The following ANKRD17 variants were observed in gnomAD, a reference collection of about 807,000 sequenced individuals.
The protein encoded by ANKRD17 is ankyrin repeat domain 17.
ANKRD17 carries 19 observed loss-of-function variants against 229.7 expected under a neutral mutation model. The ratio of observed to expected loss-of-function variants is 0.08; its 90% CI spans 0.06 to 0.12. The LOEUF (loss-of-function observed/expected upper bound fraction) is 0.12, where lower values mean the gene tolerates loss of function less well. Among genes scored for constraint, ANKRD17 ranks in the 10% least tolerant of loss-of-function variants. The probability of loss-of-function intolerance (pLI) is 1.00; values close to 1 mark genes in which losing one functional copy is unlikely to be tolerated. For synonymous variants in ANKRD17, 1,112 were observed against 1,146.1 expected (o/e 0.97, Z 0.60); for missense variants, 2,176 against 3,176.8 (o/e 0.68, Z 7.57).
At position 73,131,055 on chromosome 4, in the gene ANKRD17, G is replaced by A. The variant is rs560161685; in HGVS notation, c.3234+4062C>T. Among the ~76,000 whole-genome samples, 191 of 152,216 alleles carry A rather than the reference G, an allele frequency of 1.3e-3. 1 individual carries two copies. Among genetic ancestry groups the A allele is most frequent in the South Asian group, 8.5e-3 (41 of 4,824 alleles). On this transcript the variant is annotated intron_variant, in intron 16 of 33. Coordinates refer to ENST00000358602, the MANE Select transcript of ANKRD17 (RefSeq NM_032217.5). Reference sequence around the variant, plus strand: ...GGTCAGAGCAATGCTATCAAAAGGTGTAATAAAAATAGTCCCAAATAATTC... The same window carrying A: ...GGTCAGAGCAATGCTATCAAAAGGTATAATAAAAATAGTCCCAAATAATTC...
At chr4:73,246,663 A>G (rs550369679) in intron 1 of ANKRD17, among the ~76,000 whole-genome samples, 1 of 152,306 alleles carries the variant, frequency 6.6e-6, no homozygotes, top group South Asian at 2.1e-4. Context: ...CAAAACAGAA[A>G]AGGGTCCAAT....
intron 6 of ANKRD17, 120 bp downstream of exon 6, chr4:73,153,760 C>A: frequency 7.6e-6 from 5 of 653,794 alleles, no homozygotes; most frequent in South Asian, 5.5e-5. Flanking sequence ...CTTATTTAAC[C>A]TTTAATTACA....
chr4:73,238,936 A>T (rs1451493221), intron 1 of ANKRD17, among the ~76,000 whole-genome samples: 1 of 152,064 alleles, frequency 6.6e-6, no homozygotes, highest in Non-Finnish European at 1.5e-5. Flanking sequence ...GATACTATGT[A>T]CCTCTTAGAA....
At chr4:73,126,203 G>A (rs150190232) in intron 16 of ANKRD17, among the ~76,000 whole-genome samples, 79 of 152,286 alleles carry the variant, frequency 5.2e-4, no homozygotes, top group Non-Finnish European at 9.1e-4. Flanking sequence ...CTCTGGAGAT[G>A]TGCAGAGGAT....
chr4:73,171,245 G>T (rs1036318312), intron 2 of ANKRD17, among the ~76,000 whole-genome samples: 1 of 151,260 alleles, frequency 6.6e-6, no homozygotes, highest in Non-Finnish European at 1.5e-5. Context: ...TTGTTTGGGA[G>T]AAAGAAAAGA....
At chr4:73,090,639 T>G in intron 29 of ANKRD17, 28 bp downstream of exon 29, 1 of 1,613,302 alleles carries the variant, frequency 6.2e-7, no homozygotes, top group African/African-American at 1.3e-5. Context: ...AATGAACAGC[T>G]GCAGAATCTC....
chr4:73,179,518 A>ATATATATATT (rs1192164276), intron 1 of ANKRD17, among the ~76,000 whole-genome samples: 7 of 40,784 alleles, frequency 1.7e-4, no homozygotes, highest in African/African-American at 3.7e-4. Flanking sequence ...ATATATATAT[A>ATATATATATT]TTTTTTTTTT....
At chr4:73,212,226 G>A (rs1011850344) in intron 1 of ANKRD17, among the ~76,000 whole-genome samples, 4 of 150,108 alleles carry the variant, frequency 2.7e-5, no homozygotes, top group Non-Finnish European at 5.9e-5. Flanking sequence ...ACAATGTTGA[G>A]TCACTGAAGA....
chr4:73,098,064 G>A lies in ANKRD17; in HGVS notation c.5021+9C>T, dbSNP rs759135353. The A allele has an allele frequency of 6.4e-7, 1 of 1,571,904 alleles. No homozygotes were observed. The highest frequency in any genetic ancestry group is 1.9e-5 in the Admixed American group (1 of 53,300). ...ACTATAAATATTGAAAATAAAAATT[G>A]GAACTAACTTTATTGAAGCCTTGCC... is the stretch of plus-strand genomic sequence containing the variant. On this transcript the variant is annotated intron_variant, in intron 26 of 33. Transcript: ENST00000358602.
At chr4:73,087,858 G>T (rs905533764) in intron 29 of ANKRD17, among the ~76,000 whole-genome samples, 1 of 151,714 alleles carries the variant, frequency 6.6e-6, no homozygotes, top group Non-Finnish European at 1.5e-5. Flanking sequence ...ATAGAGATAG[G>T]ATAGAAAGGG....
Position 73,090,962 on chromosome 4 carries a change from C to G in ANKRD17, c.6666G>C (p.Ser2222=), listed in dbSNP as rs769427885. 8.7e-6 allele frequency: 14 copies of G among 1,614,002 alleles called. No homozygotes were observed. The highest frequency in any genetic ancestry group is 1.2e-5 in the Non-Finnish European group (14 of 1,180,030). The change falls in exon 29 of 34, where the codon TCG becomes TCC. Residue 2222 remains serine (S), a synonymous_variant. Transcript: ENST00000358602. ...HSVPSSVQLP[S]TLSTQSACQN... ...GACAAGCACTTTGTGTACTTAAGGT[C>G]GAAGGTAGCTGGACAGAAGAGGGAA...
At chr4:73,095,897 C>G (rs951767786) in intron 27 of ANKRD17, among the ~76,000 whole-genome samples, 1 of 151,944 alleles carries the variant, frequency 6.6e-6, no homozygotes, top group Admixed American at 6.6e-5. Context: ...GCTATGTTGC[C>G]CAGGCTGGTC....
At chr4:73,247,072 TA>T (rs1448763127) in intron 1 of ANKRD17, among the ~76,000 whole-genome samples, 1 of 151,950 alleles carries the variant, frequency 6.6e-6, no homozygotes. Flanking sequence ...CTATAAATAC[TA>T]TCAACAAATC....
chr4:73,085,666 C>T (rs998406393), intron 29 of ANKRD17, among the ~76,000 whole-genome samples: 2 of 144,642 alleles, frequency 1.4e-5, no homozygotes, highest in Non-Finnish European at 3.0e-5. Context: ...CTGGGCAACA[C>T]ATCGAGACCC....
intron 1 of ANKRD17, among the ~76,000 whole-genome samples, chr4:73,226,126 C>T (rs1399065851): frequency 6.6e-6 from 1 of 151,210 alleles, no homozygotes; most frequent in Non-Finnish European, 1.5e-5. Context: ...CAGGCGCGTG[C>T]CACCACGCCC....
chr4:73,234,826 AG>A (rs1743360124), intron 1 of ANKRD17, among the ~76,000 whole-genome samples: 2 of 152,318 alleles, frequency 1.3e-5, no homozygotes, highest in South Asian at 4.1e-4. Flanking sequence ...GGCTGGAGAA[AG>A]GGTAGGAGGG....
At chr4:73,206,454 G>GAT (rs1021423490) in intron 1 of ANKRD17, among the ~76,000 whole-genome samples, 1 of 148,882 alleles carries the variant, frequency 6.7e-6, no homozygotes, top group African/African-American at 2.5e-5. Context: ...GAGAGAGAGA[G>GAT]ATAAAGAGAA....
chr4:73,139,414 G>T, intron 15 of ANKRD17, 117 bp downstream of exon 15: 1 of 1,190,898 alleles, frequency 8.4e-7, no homozygotes, highest in Non-Finnish European at 1.2e-6. Context: ...TCTAAAGCTA[G>T]ACATGAGTCA....
chr4:73,228,016 A>C (rs1742676320), intron 1 of ANKRD17, among the ~76,000 whole-genome samples: 1 of 152,150 alleles, frequency 6.6e-6, no homozygotes. Context: ...GGTAGGAAAA[A>C]TTTAATGATT....
Sources: allele counts gnomAD v4.1 joint callset (sites outside exome capture counted in the v4.1 genomes callset), GRCh38; gene constraint gnomAD v4.1.1; transcripts MANE v1.5; gene names NCBI Gene and HGNC (gene_info 2026-07-23, HGNC 2026-07-21).